The following FOXP2 variants were observed in gnomAD, a reference collection of about 807,000 sequenced individuals.
The protein encoded by FOXP2 is forkhead box protein P2.
In FOXP2, 12 loss-of-function variants were observed where a neutral mutation model predicts 115.8. That is an observed-to-expected ratio of 0.10 (90% CI 0.07 to 0.17). The LOEUF is 0.17. Among genes scored for constraint, FOXP2 ranks in the 10% least tolerant of loss-of-function variants. FOXP2 has a pLI of 1.00. For missense variants in FOXP2, 629 were observed against 843.5 expected (o/e 0.75, Z 3.15); for synonymous variants, 328 against 297.7 (o/e 1.10, Z -1.05).
intron 2 of FOXP2, among the ~76,000 whole-genome samples, chr7:114,293,124 A>G (rs1796650046): frequency 6.6e-6 from 1 of 152,096 alleles, no homozygotes; most frequent in South Asian, 2.1e-4. Context: ...TTTTCACTCC[A>G]TTATATTTTT....
At chr7:114,297,504 C>A (rs1489776135) in intron 2 of FOXP2, 2 of 286,322 alleles carry the variant, frequency 7.0e-6, no homozygotes, top group South Asian at 5.4e-5. Context: ...AATAGTCCAT[C>A]AATTCGCACA....
At chr7:114,442,154 A>G (rs1794631580) in intron 2 of FOXP2, among the ~76,000 whole-genome samples, 1 of 152,200 alleles carries the variant, frequency 6.6e-6, no homozygotes, top group Non-Finnish European at 1.5e-5. Flanking sequence ...CAGGAATAAA[A>G]AGGAATGAAG....
chr7:114,597,820 A>G (rs1802807953), intron 3 of FOXP2, among the ~76,000 whole-genome samples: 1 of 152,140 alleles, frequency 6.6e-6, no homozygotes, highest in Admixed American at 6.6e-5. Flanking sequence ...CAAGCATGCA[A>G]CAGTCAACTC....
intron 2 of FOXP2, among the ~76,000 whole-genome samples, chr7:114,329,372 AGC>A: frequency 6.6e-6 from 1 of 151,966 alleles, no homozygotes; most frequent in African/African-American, 2.4e-5. Context: ...AGAAAAAATT[AGC>A]TGGGCATAGT....
intron 1 of FOXP2, among the ~76,000 whole-genome samples, chr7:114,278,361 CT>C (rs374043439): frequency 6.5e-4 from 95 of 145,372 alleles, no homozygotes; most frequent in Admixed American, 6.9e-4. Flanking sequence ...TGTTGTTTTA[CT>C]TTTTTTTTTT....
At chr7:114,608,573 A>G (rs1480776363) in intron 3 of FOXP2, among the ~76,000 whole-genome samples, 1 of 152,208 alleles carries the variant, frequency 6.6e-6, no homozygotes, top group East Asian at 1.9e-4. Flanking sequence ...CACCTTTGCT[A>G]TATTCTATTA....
intron 1 of FOXP2, among the ~76,000 whole-genome samples, chr7:114,165,057 A>G (rs1792939313): frequency 6.6e-6 from 1 of 152,136 alleles, no homozygotes; most frequent in Non-Finnish European, 1.5e-5. Context: ...AATTGGAATA[A>G]TGGTTAAATT....
intron 3 of FOXP2, among the ~76,000 whole-genome samples, chr7:114,609,435 A>G (rs1171711773): frequency 6.6e-6 from 1 of 152,200 alleles, no homozygotes; most frequent in Non-Finnish European, 1.5e-5. Context: ...AGAAAATAGT[A>G]AAACCAACAT....
intron 2 of FOXP2, among the ~76,000 whole-genome samples, chr7:114,471,520 C>T (rs1001772031): frequency 2.6e-5 from 4 of 152,134 alleles, no homozygotes; most frequent in Admixed American, 1.3e-4. Flanking sequence ...AATTCTCACT[C>T]ATATATAGGT....
At chr7:114,285,794 G>T (rs1451952103) in intron 1 of FOXP2, among the ~76,000 whole-genome samples, 1 of 151,816 alleles carries the variant, frequency 6.6e-6, no homozygotes, top group Non-Finnish European at 1.5e-5. Flanking sequence ...CCTTTTCAAG[G>T]TTCTTTGCTC....
chr7:114,458,544 T>C (rs975092573), intron 2 of FOXP2, among the ~76,000 whole-genome samples: 3 of 131,392 alleles, frequency 2.3e-5, no homozygotes, highest in Non-Finnish European at 3.2e-5. Flanking sequence ...ATATTTTCTT[T>C]TCTTTTTTTT....
chr7:114,665,235 T>C (rs1007010535), intron 16 of FOXP2: 1 of 152,112 alleles, frequency 6.6e-6, no homozygotes, highest in Non-Finnish European at 1.5e-5. Context: ...GTATTGACCG[T>C]GGTAGAACTC....
At chr7:114,295,195 A>G (rs796735696) in intron 2 of FOXP2, among the ~76,000 whole-genome samples, 5 of 152,282 alleles carry the variant, frequency 3.3e-5, no homozygotes, top group South Asian at 4.1e-4. Flanking sequence ...TACCCTTTTA[A>G]TGGTCTTATT....
At chr7:114,580,443 T>C (rs1477612788) in intron 3 of FOXP2, among the ~76,000 whole-genome samples, 2 of 152,138 alleles carry the variant, frequency 1.3e-5, no homozygotes, top group Non-Finnish European at 2.9e-5. Context: ...CTGGGTGTGA[T>C]GGCATATTCC....
intron 2 of FOXP2, among the ~76,000 whole-genome samples, chr7:114,336,443 A>G (rs1185252287): frequency 1.3e-5 from 2 of 151,534 alleles, no homozygotes; most frequent in Non-Finnish European, 3.0e-5. Flanking sequence ...GTAAAGTAGA[A>G]CTAACTATTC....
intron 1 of FOXP2, among the ~76,000 whole-genome samples, chr7:114,137,739 G>C (rs1055750578): frequency 3.9e-5 from 6 of 152,258 alleles, no homozygotes; most frequent in Non-Finnish European, 7.4e-5. Flanking sequence ...GAAGAGTCTA[G>C]AAAAGCCCAT....
intron 2 of FOXP2, among the ~76,000 whole-genome samples, chr7:114,289,488 C>T (rs973046772): frequency 2.0e-5 from 3 of 151,790 alleles, no homozygotes; most frequent in African/African-American, 7.2e-5. Flanking sequence ...TACCAATATA[C>T]TCTATCTTTA....
At chr7:114,453,073 G>A (rs549205145) in intron 2 of FOXP2, among the ~76,000 whole-genome samples, 1 of 152,170 alleles carries the variant, frequency 6.6e-6, no homozygotes, top group African/African-American at 2.4e-5. Context: ...GAAAAACTGA[G>A]TCCATATTTG....
At chr7:114,102,625 T>C (rs1186138864) in intron 1 of FOXP2, among the ~76,000 whole-genome samples, 1 of 150,348 alleles carries the variant, frequency 6.7e-6, no homozygotes, top group Non-Finnish European at 1.5e-5. Flanking sequence ...TACCTCACCA[T>C]TCAAAATCAG....
Sources: gnomAD v4.1 joint callset for allele counts (sites outside exome capture counted in the v4.1 genomes callset) on GRCh38, gnomAD v4.1.1 for gene constraint, MANE v1.5 for transcripts, NCBI Gene and HGNC (gene_info 2026-07-23, HGNC 2026-07-21) for gene names.